Variants in RAB11FIP2 observed in about 807,000 individuals in gnomAD.
RAB11FIP2 encodes the protein rab11 family-interacting protein 2.
In RAB11FIP2, 16 loss-of-function variants were observed where a neutral mutation model predicts 40.9. The observed-to-expected ratio is 0.39, with a 90% confidence interval of 0.26 to 0.59. RAB11FIP2 has a LOEUF of 0.59. Ranked by LOEUF, RAB11FIP2 falls within the 20% of genes least tolerant of loss-of-function variation. The pLI is 0.53. For missense variants in RAB11FIP2, 532 were observed against 606.2 expected, an observed-to-expected ratio of 0.88 and a Z score of 1.28; for synonymous variants, 228 against 213.7, an observed-to-expected ratio of 1.07 and a Z score of -0.58.
intron 4 of RAB11FIP2, among the ~76,000 whole-genome samples, chr10:118,012,542 T>C (rs1846171051): frequency 6.6e-6 from 1 of 151,932 alleles, no homozygotes; most frequent in East Asian, 1.9e-4. Context: ...TATATATATA[T>C]TTCTGTTTGT....
intron 3 of RAB11FIP2, among the ~76,000 whole-genome samples, chr10:118,029,438 A>G (rs933908277): frequency 2.0e-5 from 3 of 152,142 alleles, no homozygotes; most frequent in Non-Finnish European, 4.4e-5. Flanking sequence ...GAAGACATTA[A>G]TTCAATCATA....
intron 4 of RAB11FIP2, among the ~76,000 whole-genome samples, chr10:118,014,705 CA>C (rs1846195486): frequency 6.6e-6 from 1 of 152,074 alleles, no homozygotes; most frequent in Non-Finnish European, 1.5e-5. Flanking sequence ...CTTGTCCCAA[CA>C]ACAACAAAAA....
chr10:118,005,967 A>T lies in RAB11FIP2; in HGVS notation c.*3031T>A, dbSNP rs912026384. 4.6e-5 allele frequency: 7 copies of T among 152,714 alleles called. No homozygotes were observed. The South Asian group carries it at 1.4e-3, about 32-fold the overall frequency. 9.5% of individuals were successfully genotyped at this position (152,714 alleles called of 1,614,324 possible). A position where few individuals can be genotyped will look rare whatever the true frequency, so the allele number is the denominator to read the frequency against. ...GCTGGAAAATTACAACTAAATCTTG[A>T]TTTACCACCAAAAGCAATAGATGTA... On this transcript the variant is annotated 3_prime_UTR_variant, in exon 5 of 5. Coordinates refer to ENST00000355624, the MANE Select transcript of RAB11FIP2 (RefSeq NM_014904.3).
chr10:118,038,809 T>C (rs1846514281), intron 3 of RAB11FIP2, 163 bp downstream of exon 3: 1 of 577,396 alleles, frequency 1.7e-6, no homozygotes, highest in South Asian at 3.1e-5. Flanking sequence ...GTTCCAAAAA[T>C]ATATGCAACA....
In RAB11FIP2 at chr10:118,039,410, A is replaced by G; in HGVS notation, c.827T>C (p.Leu276Ser). 1 of 1,612,994 alleles carries G rather than the reference A, an allele frequency of 6.2e-7. No individual in the cohort carries two copies. Among genetic ancestry groups the G allele is most frequent in the Non-Finnish European group, 8.5e-7 (1 of 1,179,352 alleles). Reference protein sequence around the residue: ...GSLKSPHRRTLSFDTSKMNQP... With the variant: ...GSLKSPHRRTSSFDTSKMNQP... Reference sequence around the variant, plus strand: ...GTTCATTTTAGAAGTATCAAAGCTTAATGTTCTTCTGTGTGGAGATTTGAG... The same window carrying G: ...GTTCATTTTAGAAGTATCAAAGCTTGATGTTCTTCTGTGTGGAGATTTGAG... Residue 276 changes from leucine (L) to serine (S), a missense_variant, in exon 3 of 5, where the codon TTA becomes TCA. Physicochemically the swap from Leu to Ser is moderately radical, Grantham distance 145. Coordinates refer to ENST00000355624, the MANE Select transcript of RAB11FIP2 (RefSeq NM_014904.3).
intron 3 of RAB11FIP2, among the ~76,000 whole-genome samples, chr10:118,019,651 G>A (rs1299490174): frequency 2.0e-5 from 3 of 151,730 alleles, no homozygotes; most frequent in African/African-American, 7.3e-5. Context: ...GTGAAACCCC[G>A]TCTCTACTAA....
chr10:118,009,322 G>A (rs1846130521), intron 4 of RAB11FIP2, 97 bp from the exon 5 acceptor site: 5 of 1,199,712 alleles, frequency 4.2e-6, no homozygotes, highest in South Asian at 1.5e-5. Flanking sequence ...TTCAAACCCT[G>A]ATGAAGTTTT....
intron 3 of RAB11FIP2, among the ~76,000 whole-genome samples, chr10:118,025,239 T>C (rs868100929): frequency 2.0e-5 from 3 of 152,218 alleles, no homozygotes; most frequent in Non-Finnish European, 2.9e-5. Context: ...TATTAGAAAT[T>C]GTACATTATC....
chr10:118,028,912 A>G (rs1205808859), intron 3 of RAB11FIP2, among the ~76,000 whole-genome samples: 1 of 152,098 alleles, frequency 6.6e-6, no homozygotes, highest in East Asian at 1.9e-4. Context: ...GTGCTAAAAA[A>G]CAAACTTTCA....
At chr10:118,039,617 T>A (rs1035356357) in intron 2 of RAB11FIP2, 177 bp from the exon 3 acceptor site, 1 of 610,298 alleles carries the variant, frequency 1.6e-6, no homozygotes. Flanking sequence ...GTCTGAAGCA[T>A]CGAGGCTGAT....
chr10:118,040,175 T>C lies in RAB11FIP2; in HGVS notation c.744A>G (p.Gln248=). The change falls in exon 2 of 5, where the codon CAA becomes CAG. Residue 248 remains glutamine, a synonymous_variant. Coordinates refer to ENST00000355624, the MANE Select transcript of RAB11FIP2 (RefSeq NM_014904.3). ...SEKLKAGTIG[Q]THLLGHQLDS... ...CTAACTGGTGTCCGAGAAGATGTGT[T>C]TGACCTATGGTGCCAGCCTTCAGTT... 6.2e-7 allele frequency: 1 copy of C among 1,613,824 alleles called. No individual in the cohort carries two copies. Among genetic ancestry groups the C allele is most frequent in the East Asian group, 2.2e-5 (1 of 44,866 alleles).
chr10:118,042,156 C>A (rs1846568245), intron 1 of RAB11FIP2, among the ~76,000 whole-genome samples: 1 of 152,014 alleles, frequency 6.6e-6, no homozygotes, highest in African/African-American at 2.4e-5. Context: ...TCTGTAGTAC[C>A]TCAGGCTTTA....
chr10:118,036,254 C>G (rs926678055), intron 3 of RAB11FIP2, among the ~76,000 whole-genome samples: 4 of 151,938 alleles, frequency 2.6e-5, no homozygotes, highest in African/African-American at 9.7e-5. Context: ...TGTATTTTAC[C>G]CTTAACCTTG....
rs762887793 is a variant in RAB11FIP2 at position 118,039,139 on chromosome 10, T to C, written c.1098A>G (p.Lys366=). ...KVSLFERVTG[K]KDSRRSDKLN... ...GTTTATCAGATCTTCTGCTATCTTTTTTTCCAGTCACTCTTTCAAACAGGC... is the reference window on the plus strand; with the variant it reads ...GTTTATCAGATCTTCTGCTATCTTTCTTTCCAGTCACTCTTTCAAACAGGC... The change falls in exon 3 of 5, where the codon AAA becomes AAG. Residue 366 remains lysine (K), a synonymous_variant. Coordinates refer to ENST00000355624, the MANE Select transcript of RAB11FIP2 (RefSeq NM_014904.3). The C allele has an allele frequency of 5.7e-5, 92 of 1,613,602 alleles. No homozygotes were observed. The highest frequency in any genetic ancestry group is 1.6e-4 in the Middle Eastern group (1 of 6,084).
Position 118,039,120 on chromosome 10 carries a change from C to T in RAB11FIP2, c.1117G>A (p.Asp373Asn). 6.2e-7 allele frequency: 1 copy of T among 1,613,756 alleles called. No homozygotes were observed. Among genetic ancestry groups the T allele is most frequent in the Admixed American group, 1.7e-5 (1 of 59,988 alleles). The part of the protein sequence containing the change: ...VTGKKDSRRS[D>N]KLNNGGSDSP... ...TCAGATCCCCCATTGTTAAGTTTAT[C>T]AGATCTTCTGCTATCTTTTTTTCCA... Residue 373 changes from aspartate to asparagine, a missense_variant, in exon 3 of 5, where the codon GAT (aspartate) becomes AAT (asparagine). By Grantham distance (23) the Asp-to-Asn change is conservative. Transcript: ENST00000355624.
intron 4 of RAB11FIP2, 63 bp from the exon 5 acceptor site, chr10:118,009,288 A>G (rs1589635770): frequency 1.4e-6 from 2 of 1,431,104 alleles, no homozygotes; most frequent in East Asian, 2.3e-5. Flanking sequence ...ATTAAGAATT[A>G]CCTGGAACTT....
At chr10:118,037,458 A>G in intron 3 of RAB11FIP2, among the ~76,000 whole-genome samples, 1 of 152,118 alleles carries the variant, frequency 6.6e-6, no homozygotes, top group East Asian at 1.9e-4. Flanking sequence ...TTGATTGTTA[A>G]TACTCTATTT....
chr10:118,015,703 TC>T (rs1846211330), intron 3 of RAB11FIP2, among the ~76,000 whole-genome samples: 1 of 152,214 alleles, frequency 6.6e-6, no homozygotes, highest in Admixed American at 6.5e-5. Context: ...CACAGATTTC[TC>T]CCATGCAGAG....
rs571711364 is a variant in RAB11FIP2 at position 118,008,846 on chromosome 10, G to A, written c.*152C>T. The A allele has an allele frequency of 1.3e-4, 84 of 648,768 alleles. No individual in the cohort carries two copies. The African/African-American group carries it at 1.4e-3, about 11-fold the overall frequency. The allele number at this position is 648,768 out of a possible 1,614,324, so 40.2% of individuals were successfully genotyped here. A position where few individuals can be genotyped will look rare whatever the true frequency, so the allele number is the denominator to read the frequency against. ...TCAAAGGTCACTCTTGATAGTCCCTGCTAATATTTACAGGTAAAACTACTC... is the reference window on the plus strand; with the variant it reads ...TCAAAGGTCACTCTTGATAGTCCCTACTAATATTTACAGGTAAAACTACTC... On this transcript the variant is annotated 3_prime_UTR_variant, in exon 5 of 5. Transcript: ENST00000355624.
Sources: allele counts gnomAD v4.1 joint callset (sites outside exome capture counted in the v4.1 genomes callset), GRCh38; gene constraint gnomAD v4.1.1; transcripts MANE v1.5; gene names NCBI Gene and HGNC (gene_info 2026-07-23, HGNC 2026-07-21).